Variants in PAPOLA observed in about 807,000 individuals in gnomAD.
PAPOLA encodes the protein poly(A) polymerase alpha, also known as polynucleotide adenylyltransferase alpha.
In PAPOLA, 15 loss-of-function variants were observed where a neutral mutation model predicts 100.6. That is an observed-to-expected ratio of 0.15 (90% CI 0.10 to 0.23). PAPOLA has a LOEUF of 0.23. Among genes scored for constraint, PAPOLA ranks in the 10% least tolerant of loss-of-function variants. The pLI is 1.00. For synonymous variants in PAPOLA, 293 were observed against 300.0 expected, an observed-to-expected ratio of 0.98 and a Z score of 0.24; for missense variants, 533 against 884.2, an observed-to-expected ratio of 0.60 and a Z score of 5.04.
intron 6 of PAPOLA, among the ~76,000 whole-genome samples, chr14:96,530,635 C>T (rs1898921445): frequency 6.6e-6 from 1 of 152,022 alleles, no homozygotes; most frequent in South Asian, 2.1e-4. Context: ...AGTCTTCCTG[C>T]CTTGGCTCCC....
In PAPOLA at chr14:96,552,465, T is replaced by G; in HGVS notation, c.1522-15T>G. 6.2e-7 allele frequency: 1 copy of G among 1,607,018 alleles called. No individual in the cohort carries two copies. The highest frequency in any genetic ancestry group is 8.5e-7 in the Non-Finnish European group (1 of 1,174,472). ...AAATAAAGATATATTTGATAAAATG[T>G]TTTATTGTTTGCAGCATTCAACAGA... On this transcript the variant is annotated splice_polypyrimidine_tract_variant and intron_variant, in intron 16 of 21. Coordinates refer to ENST00000216277, the MANE Select transcript of PAPOLA (RefSeq NM_032632.5).
chr14:96,561,325 GA>G (rs987020310), intron 20 of PAPOLA, among the ~76,000 whole-genome samples: 1 of 151,900 alleles, frequency 6.6e-6, no homozygotes, highest in African/African-American at 2.4e-5. Context: ...TTTCCTTGTG[GA>G]AAAATTGGAA....
intron 12 of PAPOLA, chr14:96,537,381 T>C (rs1175915154): frequency 9.4e-6 from 2 of 212,474 alleles, no homozygotes; most frequent in African/African-American, 4.6e-5. Flanking sequence ...AATCTGTAGT[T>C]AATAATTCTC....
intron 3 of PAPOLA, among the ~76,000 whole-genome samples, chr14:96,523,081 G>A (rs1457622927): frequency 6.6e-6 from 1 of 152,034 alleles, no homozygotes; most frequent in African/African-American, 2.4e-5. Context: ...TCTAAATTAT[G>A]GACTTTACGT....
chr14:96,523,440 A>G (rs1187448185), intron 3 of PAPOLA, among the ~76,000 whole-genome samples: 1 of 152,240 alleles, frequency 6.6e-6, no homozygotes, highest in African/African-American at 2.4e-5. Flanking sequence ...CCTTGCAGAA[A>G]GTACCATTGG....
chr14:96,508,031 A>G (rs1256376635), intron 1 of PAPOLA, among the ~76,000 whole-genome samples: 1 of 152,078 alleles, frequency 6.6e-6, no homozygotes, highest in Admixed American at 6.5e-5. Flanking sequence ...CCGTGCCACC[A>G]CGTCCAGCTA....
chr14:96,554,485 G>A (rs1901122103), intron 17 of PAPOLA, among the ~76,000 whole-genome samples: 1 of 152,186 alleles, frequency 6.6e-6, no homozygotes, highest in African/African-American at 2.4e-5. Context: ...ACTGCTCCGT[G>A]GTTCCCTGTG....
intron 1 of PAPOLA, among the ~76,000 whole-genome samples, chr14:96,513,943 A>G (rs748435901): frequency 2.6e-5 from 4 of 152,118 alleles, no homozygotes; most frequent in Non-Finnish European, 5.9e-5. Flanking sequence ...GGCTCTGAAA[A>G]TGTTTTTTAT....
rs1263304822 is a variant in PAPOLA, at chr14:96,534,674, C to T, written c.909+111C>T. 1.3e-5 allele frequency: 20 copies of T among 1,546,290 alleles called. No individual in the cohort carries two copies. In the South Asian group the frequency reaches 1.5e-4, roughly 11 times the overall value. ...GCCTTTTACTTATGAATGGTCATGT[C>T]CGTATTACACTTTCTTTTAGATAAC... On this transcript the variant is annotated intron_variant, in intron 10 of 21. Transcript: ENST00000216277.
chr14:96,523,655 C>T (rs1375141421), intron 3 of PAPOLA, among the ~76,000 whole-genome samples: 3 of 152,070 alleles, frequency 2.0e-5, no homozygotes, highest in Admixed American at 2.0e-4. Context: ...TTAAGAAATA[C>T]AACATTACAG....
chr14:96,532,189 TTA>T (rs1899079741), intron 7 of PAPOLA, 140 bp from the exon 8 acceptor site: 1 of 1,402,140 alleles, frequency 7.1e-7, no homozygotes, highest in Admixed American at 3.3e-5. Flanking sequence ...AAATAAAAAT[TTA>T]TGTTTACTTT....
At chr14:96,535,517 A>C (rs2140291557) in intron 10 of PAPOLA, 1 of 990,802 alleles carries the variant, frequency 1.0e-6, no homozygotes, top group Non-Finnish European at 1.2e-6. Flanking sequence ...CTTACAAAAC[A>C]TTGTAGCATG....
At chr14:96,509,284 C>G (rs1459618429) in intron 1 of PAPOLA, among the ~76,000 whole-genome samples, 1 of 152,170 alleles carries the variant, frequency 6.6e-6, no homozygotes, top group Non-Finnish European at 1.5e-5. Context: ...CCACCTTGGC[C>G]TCCCAAATTG....
At chr14:96,529,661 G>A (rs541154393) in intron 6 of PAPOLA, among the ~76,000 whole-genome samples, 13 of 152,152 alleles carry the variant, frequency 8.5e-5, no homozygotes, top group African/African-American at 3.1e-4. Flanking sequence ...AGTGGAGGTT[G>A]CAGTGATCCA....
rs1352108223 is a variant in PAPOLA at position 96,539,839 on chromosome 14, A to T, written c.1116-2404A>T. Among the ~76,000 whole-genome samples the T allele has an allele frequency of 2.0e-5, 3 of 152,266 alleles. No homozygotes were observed. In the East Asian group the frequency reaches 5.8e-4, roughly 29 times the overall value. On this transcript the variant is annotated intron_variant, in intron 12 of 21. Coordinates refer to ENST00000216277, the MANE Select transcript of PAPOLA (RefSeq NM_032632.5). ...AATTAAAAATAGAGATATTTAGAGAATGCAGTTGGAATTTTGTTTTGTAAA... is the reference window on the plus strand; with the variant it reads ...AATTAAAAATAGAGATATTTAGAGATTGCAGTTGGAATTTTGTTTTGTAAA...
chr14:96,530,577 T>G (rs553319003), intron 6 of PAPOLA, among the ~76,000 whole-genome samples: 11 of 151,902 alleles, frequency 7.2e-5, no homozygotes, highest in African/African-American at 2.4e-4. Context: ...TTTGTAGAGA[T>G]GGAGTCTCAC....
chr14:96,533,430 A>G, intron 9 of PAPOLA: 1 of 982,480 alleles, frequency 1.0e-6, no homozygotes, highest in Non-Finnish European at 1.2e-6. Context: ...GTTCAACTGG[A>G]GGAAAAATAA....
chr14:96,514,334 C>A (rs576822763), intron 1 of PAPOLA, among the ~76,000 whole-genome samples: 5 of 151,938 alleles, frequency 3.3e-5, no homozygotes, highest in African/African-American at 1.2e-4. Context: ...CCACCACGCC[C>A]GGCTAATTTT....
At chr14:96,542,503 G>T in intron 13 of PAPOLA, 1 of 543,090 alleles carries the variant, frequency 1.8e-6, no homozygotes, top group Non-Finnish European at 3.2e-6. Flanking sequence ...ATGGAGATCC[G>T]TGCATAATTT....
Sources: gnomAD v4.1 joint callset for allele counts (sites outside exome capture counted in the v4.1 genomes callset) on GRCh38, gnomAD v4.1.1 for gene constraint, MANE v1.5 for transcripts, NCBI Gene and HGNC (gene_info 2026-07-23, HGNC 2026-07-21) for gene names.